TUB: variants seen among roughly 807,000 people sequenced by gnomAD.
TUB encodes TUB bipartite transcription factor, also known as tubby protein homolog.
TUB carries 33 observed loss-of-function variants against 59.7 expected under a neutral mutation model. The observed-to-expected ratio is 0.55, with a 90% CI of 0.42 to 0.74. The LOEUF (loss-of-function observed/expected upper bound fraction) is 0.74, where lower values mean the gene tolerates loss of function less well. Ranked by LOEUF, TUB falls within the 30% of genes least tolerant of loss-of-function variation. The pLI is 0.00. For missense variants in TUB, 659 were observed against 672.0 expected (o/e 0.98, Z 0.21); for synonymous variants, 293 against 256.4 (o/e 1.14, Z -1.36).
chr11:8,043,755 T>G (rs1019153474), intron 2 of TUB, among the ~76,000 whole-genome samples: 2 of 152,226 alleles, frequency 1.3e-5, no homozygotes, highest in African/African-American at 4.8e-5. Flanking sequence ...GTAATGATCT[T>G]GTATCCTGCA....
intron 3 of TUB, among the ~76,000 whole-genome samples, chr11:8,090,816 G>GAGCACATCTCCAGAGATGGCTGC (rs953029516): frequency 2.1e-3 from 313 of 152,048 alleles, no homozygotes; most frequent in African/African-American, 7.3e-3. Flanking sequence ...ATCCTGGAGA[G>GAGCACATCTCCAGAGATGGCTGC]AGCACATCTC....
At chr11:8,025,019 G>A (rs1416204392) in intron 1 of TUB, among the ~76,000 whole-genome samples, 2 of 152,200 alleles carry the variant, frequency 1.3e-5, no homozygotes, top group Admixed American at 1.3e-4. Flanking sequence ...CTTAAGGTGG[G>A]TCCATTCACT....
In TUB at chr11:8,102,764, G is replaced by A. The variant is rs1944359830; in HGVS notation, c.*1145G>A. 1 of 152,238 alleles carries A rather than the reference G, an allele frequency of 6.6e-6. No homozygotes were observed. Among genetic ancestry groups the A allele is most frequent in the Non-Finnish European group, 1.5e-5 (1 of 68,060 alleles). The allele number at this position is 152,238 out of a possible 1,614,324, so 9.4% of individuals were successfully genotyped here. A position where few individuals can be genotyped will look rare whatever the true frequency, so the allele number is the denominator to read the frequency against. ...CAGTGGCAGGACCCTTAGGAATCTA[G>A]TACAACCTTGTTGCTTTAGGTGAGT... On this transcript the variant is annotated 3_prime_UTR_variant, in exon 12 of 12. Transcript: ENST00000299506.
chr11:8,033,188 C>G (rs1027350299), intron 1 of TUB, among the ~76,000 whole-genome samples: 1 of 152,210 alleles, frequency 6.6e-6, no homozygotes, highest in African/African-American at 2.4e-5. Flanking sequence ...TGCCCCACTT[C>G]CTCCAAGCCC....
chr11:8,088,950 C>T (rs1247786168), intron 1 of TUB, among the ~76,000 whole-genome samples: 1 of 152,212 alleles, frequency 6.6e-6, no homozygotes, highest in Non-Finnish European at 1.5e-5. Context: ...GTTGTGTCCA[C>T]CCTGCAGACA....
At chr11:8,073,918 A>G (rs1329748142) in intron 2 of TUB, among the ~76,000 whole-genome samples, 2 of 22,754 alleles carry the variant, frequency 8.8e-5, no homozygotes, top group Non-Finnish European at 1.6e-4. Flanking sequence ...GCAGAACCGT[A>G]GTTCAGCATC....
At chr11:8,071,416 T>C (rs1390866082) in intron 2 of TUB, among the ~76,000 whole-genome samples, 1 of 152,158 alleles carries the variant, frequency 6.6e-6, no homozygotes, top group Non-Finnish European at 1.5e-5. Flanking sequence ...CCCCTCATCT[T>C]ATACACTGAC....
rs765777554 is a variant in TUB at position 8,100,997 on chromosome 11, CGTGA to C, written c.1387+4_1387+7del. 8.1e-6 allele frequency: 13 copies of C among 1,614,112 alleles called. No homozygotes were observed. The highest frequency in any genetic ancestry group is 1.1e-5 in the Non-Finnish European group (13 of 1,179,996). On this transcript the variant is annotated splice_donor_variant and splice_donor_region_variant and intron_variant, in intron 11 of 11. Transcript: ENST00000299506. LOFTEE classifies it high-confidence loss of function. The stretch of plus-strand genomic sequence containing the variant: ...CTTCCAGATCATCCATGGCAATGAC[CGTGA>C]GTGTTTCTGTCCCTACTCATTATGG...
At chr11:8,052,500 C>T (rs1182000328) in intron 2 of TUB, among the ~76,000 whole-genome samples, 1 of 125,630 alleles carries the variant, frequency 8.0e-6, no homozygotes, top group East Asian at 2.5e-4. Context: ...GACGGAGTCT[C>T]GCTCTGTCTC....
intron 3 of TUB, 114 bp from the exon 4 acceptor site, chr11:8,093,932 G>T (rs578098576): frequency 3.3e-5 from 41 of 1,255,618 alleles, no homozygotes; most frequent in Admixed American, 1.8e-5. Context: ...AGGGGCCCTG[G>T]TGGGACTCGG....
chr11:8,096,830 C>A (rs767560029), intron 6 of TUB, 24 bp downstream of exon 6: 1 of 1,613,922 alleles, frequency 6.2e-7, no homozygotes, highest in East Asian at 2.2e-5. Context: ...TCTGCATCCA[C>A]AGCAGTTTTT....
chr11:8,101,211 C>T (rs77691463), intron 11 of TUB, among the ~76,000 whole-genome samples: 14 of 152,296 alleles, frequency 9.2e-5, no homozygotes, highest in East Asian at 5.8e-4. Flanking sequence ...GTGTATTCAA[C>T]GGAGTCTCAG....
intron 2 of TUB, among the ~76,000 whole-genome samples, chr11:8,049,561 G>GTATATATATA (rs372881525): frequency 0.019 from 2,361 of 123,334 alleles, 20 homozygotes; most frequent in Middle Eastern, 0.024. Flanking sequence ...GTATTATGTG[G>GTATATATATA]TATATATATA....
intron 7 of TUB, 81 bp from the exon 8 acceptor site, chr11:8,097,633 G>A: frequency 1.5e-6 from 2 of 1,366,518 alleles, no homozygotes; most frequent in South Asian, 1.3e-5. Flanking sequence ...ACGCAACGGA[G>A]AGAGTCTGTG....
rs1201055769 is a variant in TUB, at chr11:8,105,692, T to TACC, written c.*4074_*4076dup. The TACC allele has an allele frequency of 6.7e-6, 1 of 148,492 alleles. No individual in the cohort carries two copies. Among genetic ancestry groups the TACC allele is most frequent in the African/African-American group, 2.6e-5 (1 of 38,200 alleles). 9.2% of individuals were successfully genotyped at this position (148,492 alleles called of 1,614,324 possible). ...GAAAATTATTCCTTGCTTTCATCAC[T>TACC]ACCTTTATAGCTCTCATCACTACCT... On this transcript the variant is annotated 3_prime_UTR_variant, in exon 12 of 12. Coordinates refer to ENST00000299506, the MANE Select transcript of TUB (RefSeq NM_177972.3).
At chr11:8,075,036 T>TGCC (rs1481923497) in intron 2 of TUB, among the ~76,000 whole-genome samples, 1 of 151,788 alleles carries the variant, frequency 6.6e-6, no homozygotes, top group Non-Finnish European at 1.5e-5. Context: ...GGAGCCACTG[T>TGCC]GCCAGGCCAA....
intron 1 of TUB, among the ~76,000 whole-genome samples, chr11:8,026,471 A>T (rs1409478227): frequency 2.8e-5 from 1 of 36,292 alleles, no homozygotes; most frequent in Non-Finnish European, 6.5e-5. Context: ...TATGAGATTC[A>T]TTAAAAAAAA....
At chr11:8,037,041 G>C (rs1344752687), upstream of TUB, among the ~76,000 whole-genome samples, 1 of 152,200 alleles carries the variant, frequency 6.6e-6, no homozygotes, top group Non-Finnish European at 1.5e-5. Context: ...TCTGACTGGA[G>C]GGTCTCATTC....
intron 1 of TUB, among the ~76,000 whole-genome samples, chr11:8,032,967 C>A (rs1188643884): frequency 6.6e-6 from 1 of 152,196 alleles, no homozygotes; most frequent in Non-Finnish European, 1.5e-5. Context: ...AGAGACTAAG[C>A]AGGCCAGTTC....
Sources: allele counts gnomAD v4.1 joint callset (sites outside exome capture counted in the v4.1 genomes callset), GRCh38; gene constraint gnomAD v4.1.1; transcripts MANE v1.5; gene names NCBI Gene and HGNC (gene_info 2026-07-23, HGNC 2026-07-21).